Variants in LRRC4C observed in about 807,000 individuals in gnomAD.
LRRC4C encodes leucine-rich repeat-containing protein 4C.
LRRC4C carries 5 observed loss-of-function variants against 33.6 expected under a neutral mutation model. That is an observed-to-expected ratio of 0.15 (90% confidence interval 0.08 to 0.31). The LOEUF is 0.31. Among genes scored for constraint, LRRC4C ranks in the 10% least tolerant of loss-of-function variants. LRRC4C has a pLI of 1.00. For missense variants in LRRC4C, 560 were observed against 796.7 expected (o/e 0.70, Z 3.58); for synonymous variants, 329 against 302.0 (o/e 1.09, Z -0.93).
At chr11:40,249,908 C>T (rs1279132279) in intron 4 of LRRC4C, among the ~76,000 whole-genome samples, 2 of 152,294 alleles carry the variant, frequency 1.3e-5, no homozygotes, top group African/African-American at 2.4e-5. Flanking sequence ...CAATTTAGTG[C>T]AGAATAAAGT....
At chr11:40,797,714 A>G (rs982665564) in intron 2 of LRRC4C, among the ~76,000 whole-genome samples, 1 of 152,120 alleles carries the variant, frequency 6.6e-6, no homozygotes, top group Non-Finnish European at 1.5e-5. Context: ...CTTTCTCTTG[A>G]TCCTTTAGCT....
chr11:40,524,982 T>C (rs1034914294), intron 3 of LRRC4C, among the ~76,000 whole-genome samples: 70 of 152,118 alleles, frequency 4.6e-4, no homozygotes, highest in Non-Finnish European at 1.0e-4. Context: ...TCAGGATATA[T>C]AATTTAGCTT....
chr11:40,911,397 C>T (rs1956679579), intron 2 of LRRC4C, among the ~76,000 whole-genome samples: 1 of 152,172 alleles, frequency 6.6e-6, no homozygotes, highest in Non-Finnish European at 1.5e-5. Context: ...CCAATATCCG[C>T]TGTTCTGCAT....
At chr11:40,887,806 G>A (rs1349506070) in intron 2 of LRRC4C, among the ~76,000 whole-genome samples, 1 of 151,920 alleles carries the variant, frequency 6.6e-6, no homozygotes, top group Non-Finnish European at 1.5e-5. Context: ...TATTAATGAT[G>A]TTGTAAATAT....
intron 5 of LRRC4C, among the ~76,000 whole-genome samples, chr11:40,184,849 A>T (rs2135550064): frequency 6.6e-6 from 1 of 152,356 alleles, no homozygotes; most frequent in South Asian, 2.1e-4. Flanking sequence ...AGAGTCAATT[A>T]TCCCCATTTT....
At chr11:40,733,119 A>G (rs1245562222) in intron 2 of LRRC4C, among the ~76,000 whole-genome samples, 1 of 111,998 alleles carries the variant, frequency 8.9e-6, no homozygotes, top group African/African-American at 3.5e-5. Context: ...TCTGTCACCC[A>G]GGCTGGAGTA....
intron 2 of LRRC4C, among the ~76,000 whole-genome samples, chr11:40,867,691 G>A (rs965991726): frequency 1.2e-4 from 18 of 151,986 alleles, no homozygotes; most frequent in East Asian, 1.9e-4. Flanking sequence ...AGGGCCTTCC[G>A]TCAATATACT....
At chr11:40,450,938 C>A (rs2138074018) in intron 3 of LRRC4C, among the ~76,000 whole-genome samples, 1 of 151,486 alleles carries the variant, frequency 6.6e-6, no homozygotes, top group East Asian at 1.9e-4. Context: ...AAATCATGAG[C>A]AAATTAGATA....
intron 1 of LRRC4C, among the ~76,000 whole-genome samples, chr11:41,011,822 A>ATATAT (rs55785708): frequency 0.013 from 1,775 of 141,710 alleles, 18 homozygotes; most frequent in South Asian, 0.024. Context: ...ATTCTATGTT[A>ATATAT]TATATTATAT....
intron 1 of LRRC4C, among the ~76,000 whole-genome samples, chr11:40,975,594 T>C (rs781664272): frequency 6.6e-6 from 1 of 152,220 alleles, no homozygotes; most frequent in Non-Finnish European, 1.5e-5. Context: ...ATTATTACCA[T>C]AAATATGCTT....
chr11:40,226,548 A>G (rs1323053105), intron 5 of LRRC4C, among the ~76,000 whole-genome samples: 3 of 152,168 alleles, frequency 2.0e-5, no homozygotes, highest in African/African-American at 7.2e-5. Flanking sequence ...AACATTACTA[A>G]CCTTGCTTAT....
chr11:40,125,153 T>C (rs1447296391), intron 6 of LRRC4C, among the ~76,000 whole-genome samples: 2 of 152,106 alleles, frequency 1.3e-5, no homozygotes, highest in South Asian at 2.1e-4. Flanking sequence ...GGTCTGAACA[T>C]GTGACACAAT....
intron 1 of LRRC4C, among the ~76,000 whole-genome samples, chr11:41,372,785 CAA>C (rs33945657): frequency 0.21 from 25,277 of 118,046 alleles, 2,346 homozygotes; most frequent in East Asian, 0.39. Context: ...AAGAGGGCAC[CAA>C]AAAAAAAAAA....
chr11:40,545,615 G>A (rs1956881934), intron 3 of LRRC4C, among the ~76,000 whole-genome samples: 1 of 151,876 alleles, frequency 6.6e-6, no homozygotes, highest in Admixed American at 6.6e-5. Flanking sequence ...CTCTATTGCT[G>A]TGTTAGATAA....
intron 2 of LRRC4C, among the ~76,000 whole-genome samples, chr11:40,659,476 C>A (rs975393142): frequency 6.6e-6 from 1 of 152,096 alleles, no homozygotes; most frequent in Non-Finnish European, 1.5e-5. Flanking sequence ...GGAGTCAGAG[C>A]TCATGGTGCT....
At chr11:40,598,744 G>C (rs1242272892) in intron 3 of LRRC4C, among the ~76,000 whole-genome samples, 1 of 152,144 alleles carries the variant, frequency 6.6e-6, no homozygotes, top group African/African-American at 2.4e-5. Flanking sequence ...GATGGGAACA[G>C]GGAAGTGGTT....
rs561725467 is a variant in LRRC4C at position 40,132,433 on chromosome 11, T to A, written c.-43+8368A>T. On this transcript the variant is annotated intron_variant, in intron 6 of 6. Transcript: ENST00000528697. ...ACTCCACGTCATTTCTTTAAGGAAT[T>A]TGTGGCAATGTATGAATCAGGATGC... Among the ~76,000 whole-genome samples, 4 of 152,246 alleles carry A rather than the reference T, an allele frequency of 2.6e-5. No individual in the cohort carries two copies. In the South Asian group the frequency reaches 8.3e-4, roughly 32 times the overall value.
At chr11:41,298,680 A>G (rs1458717881) in intron 1 of LRRC4C, among the ~76,000 whole-genome samples, 1 of 152,146 alleles carries the variant, frequency 6.6e-6, no homozygotes, top group Non-Finnish European at 1.5e-5. Context: ...GTGCAAGTGC[A>G]GTTTTTTTAC....
intron 2 of LRRC4C, among the ~76,000 whole-genome samples, chr11:40,842,848 C>A (rs1176924252): frequency 6.6e-6 from 1 of 152,144 alleles, no homozygotes; most frequent in Admixed American, 6.6e-5. Flanking sequence ...ACCTAAACAA[C>A]TGATTCTACA....
Sources: gnomAD v4.1 joint callset for allele counts (sites outside exome capture counted in the v4.1 genomes callset) on GRCh38, gnomAD v4.1.1 for gene constraint, MANE v1.5 for transcripts, NCBI Gene and HGNC (gene_info 2026-07-23, HGNC 2026-07-21) for gene names.